EPHX1: variants seen among roughly 807,000 people sequenced by gnomAD.
EPHX1 encodes the protein epoxide hydrolase 1.
Under a neutral mutation model 43.2 loss-of-function variants are expected in EPHX1, and 40 were observed. The ratio of observed to expected loss-of-function variants is 0.93; its 90% CI spans 0.72 to 1.21. EPHX1 has a LOEUF of 1.21. Among genes scored for constraint, EPHX1 ranks in the 50% most tolerant of loss-of-function variants. EPHX1 has a pLI of 0.00. For synonymous variants in EPHX1, 221 were observed against 226.7 expected (o/e 0.98, Z 0.22); for missense variants, 550 against 570.4 (o/e 0.96, Z 0.36).
intron 2 of EPHX1, 54 bp from the exon 3 acceptor site, chr1:225,831,725 T>C: frequency 6.3e-7 from 1 of 1,583,184 alleles, no homozygotes; most frequent in Non-Finnish European, 8.7e-7. Flanking sequence ...GACTTTGCTC[T>C]TGTGCTCTGT....
chr1:225,812,439 G>A (rs1002172476), intron 1 of EPHX1, among the ~76,000 whole-genome samples: 1 of 152,218 alleles, frequency 6.6e-6, no homozygotes, highest in East Asian at 1.9e-4. Context: ...GGCTCTGTGG[G>A]CAGAGGGACC....
intron 1 of EPHX1, among the ~76,000 whole-genome samples, chr1:225,821,336 C>T (rs1012899645): frequency 2.0e-5 from 3 of 151,828 alleles, no homozygotes; most frequent in African/African-American, 4.8e-5. Context: ...CCTCCGCCTA[C>T]CCAGGTTCAA....
At chr1:225,844,739 T>C in intron 8 of EPHX1, 116 bp downstream of exon 8, 1 of 1,494,564 alleles carries the variant, frequency 6.7e-7, no homozygotes, top group Non-Finnish European at 9.0e-7. Flanking sequence ...TGCCTGCAGG[T>C]GCCCCAGGGG....
intron 1 of EPHX1, among the ~76,000 whole-genome samples, chr1:225,827,262 G>A (rs1386616486): frequency 6.6e-6 from 1 of 152,160 alleles, no homozygotes; most frequent in Admixed American, 6.5e-5. Flanking sequence ...AGCGAGGGGC[G>A]CTGCTGGGGC....
At position 225,840,045 on chromosome 1, in the gene EPHX1, T is replaced by C; in HGVS notation, c.931+8T>C. Reference sequence around the variant, plus strand: ...CCAAGCCTGACACCGTAGGTGAGTGTGCTCAGGGGTCCTCGCCCACTGCCG... The same window carrying C: ...CCAAGCCTGACACCGTAGGTGAGTGCGCTCAGGGGTCCTCGCCCACTGCCG... On this transcript the variant is annotated splice_region_variant and intron_variant, in intron 6 of 8. Coordinates refer to ENST00000272167, the MANE Select transcript of EPHX1 (RefSeq NM_001136018.4). The C allele has an allele frequency of 6.2e-7, 1 of 1,613,682 alleles. No individual in the cohort carries two copies. The highest frequency in any genetic ancestry group is 8.5e-7 in the Non-Finnish European group (1 of 1,179,888).
intron 3 of EPHX1, 85 bp downstream of exon 3, chr1:225,832,044 T>G: frequency 1.4e-6 from 2 of 1,473,932 alleles, no homozygotes; most frequent in Non-Finnish European, 1.9e-6. Context: ...TCAGATAAAG[T>G]TGGAGAGATT....
intron 1 of EPHX1, among the ~76,000 whole-genome samples, chr1:225,815,916 T>C (rs1268385595): frequency 6.6e-6 from 1 of 152,078 alleles, no homozygotes; most frequent in East Asian, 1.9e-4. Context: ...TGGTTAATGG[T>C]GGGAAGGAAC....
At position 225,826,239 on chromosome 1, in the gene EPHX1, G is replaced by A. The variant is rs545789470; in HGVS notation, c.-5-2486G>A. On this transcript the variant is annotated intron_variant, in intron 1 of 8. Transcript: ENST00000272167. ...ATCACTTTGGAAAGCCGAGGTGGGC[G>A]GATCGCTGGAGGTCAGGAGTTTGAG... is the stretch of plus-strand genomic sequence containing the variant. 2.6e-5 allele frequency among the ~76,000 whole-genome samples: 4 copies of A among 152,046 alleles called. No homozygotes were observed. In the South Asian group the frequency reaches 6.2e-4, roughly 24 times the overall value.
intron 2 of EPHX1, 145 bp downstream of exon 2, chr1:225,829,057 C>CAA: frequency 9.8e-7 from 1 of 1,024,318 alleles, no homozygotes; most frequent in South Asian, 1.6e-5. Context: ...GTCTGCTTTT[C>CAA]CTCTGCTGGG....
rs757485823 is a variant in EPHX1, at chr1:225,845,376, C to T, written c.*29C>T. The stretch of plus-strand genomic sequence containing the variant: ...ACCCCTCTCCCCCCGCCTGCCACCT[C>T]CCCCCACAAGTGCCCTCCAGGCTTT... On this transcript the variant is annotated 3_prime_UTR_variant, in exon 9 of 9. Transcript: ENST00000272167. 10 of 1,529,512 alleles carry T rather than the reference C, an allele frequency of 6.5e-6. No individual in the cohort carries two copies. In the South Asian group the frequency reaches 1.1e-4, roughly 16 times the overall value. The allele number at this position is 1,529,512 out of a possible 1,614,324, so 94.7% of individuals were successfully genotyped here. A position where few individuals can be genotyped will look rare whatever the true frequency, so the allele number is the denominator to read the frequency against.
intron 7 of EPHX1, among the ~76,000 whole-genome samples, chr1:225,843,857 A>G (rs983615548): frequency 6.6e-6 from 1 of 152,166 alleles, no homozygotes; most frequent in Non-Finnish European, 1.5e-5. Flanking sequence ...ACCAGTTTTC[A>G]TTTTGCCACC....
At position 225,831,873 on chromosome 1, in the gene EPHX1, T is replaced by C. The variant is rs1667623463; in HGVS notation, c.278T>C (p.Val93Ala). 1.2e-6 allele frequency: 2 copies of C among 1,614,200 alleles called. No individual in the cohort carries two copies. Among genetic ancestry groups the C allele is most frequent in the Non-Finnish European group, 1.7e-6 (2 of 1,180,042 alleles). Residue 93 changes from valine (V) to alanine (A), a missense_variant, in exon 3 of 9, where the codon GTC (valine) becomes GCC (alanine). Transcript: ENST00000272167. Reference protein sequence around the residue: ...YGFNSNYLKKVISYWRNEFDW... With the variant: ...YGFNSNYLKKAISYWRNEFDW... Reference sequence around the variant, plus strand: ...TTCAACTCCAACTACCTGAAGAAAGTCATCTCCTACTGGCGGAATGAATTT... The same window carrying C: ...TTCAACTCCAACTACCTGAAGAAAGCCATCTCCTACTGGCGGAATGAATTT...
chr1:225,829,352 A>G (rs1415289879), intron 2 of EPHX1, among the ~76,000 whole-genome samples: 1 of 152,180 alleles, frequency 6.6e-6, no homozygotes, highest in African/African-American at 2.4e-5. Context: ...GTCACATTCA[A>G]TCCCTACGGT....
At chr1:225,844,755 G>A in intron 8 of EPHX1, 132 bp downstream of exon 8, 1 of 1,414,404 alleles carries the variant, frequency 7.1e-7, no homozygotes, top group Non-Finnish European at 9.6e-7. Flanking sequence ...AGGGGCCCTT[G>A]GATGGGAACA....
At chr1:225,838,571 T>C (rs181694412) in intron 3 of EPHX1, 83 bp from the exon 4 acceptor site, 2 of 1,240,550 alleles carry the variant, frequency 1.6e-6, no homozygotes, top group East Asian at 2.3e-5. Flanking sequence ...CAGGACTCAA[T>C]ATCTAGGCTC....
Position 225,816,568 on chromosome 1 carries a change from G to A in EPHX1, c.-6+6399G>A, listed in dbSNP as rs189932260. Among the ~76,000 whole-genome samples the A allele has an allele frequency of 1.8e-3, 272 of 152,304 alleles. 2 individuals carry two copies. Among genetic ancestry groups the A allele is most frequent in the African/African-American group, 6.3e-3 (261 of 41,578 alleles). Reference sequence around the variant, plus strand: ...CCCTGCAGCATGTGGGGCATCTCTCGGTCTTCTTGAGTTCTGTAACTTAAA... The same window carrying A: ...CCCTGCAGCATGTGGGGCATCTCTCAGTCTTCTTGAGTTCTGTAACTTAAA... On this transcript the variant is annotated intron_variant, in intron 1 of 8. Coordinates refer to ENST00000272167, the MANE Select transcript of EPHX1 (RefSeq NM_001136018.4).
intron 3 of EPHX1, among the ~76,000 whole-genome samples, chr1:225,833,860 G>T (rs1576013989): frequency 6.6e-6 from 1 of 150,938 alleles, no homozygotes; most frequent in African/African-American, 2.4e-5. Context: ...CACTTTGGGA[G>T]GTCAAGGCGG....
intron 1 of EPHX1, among the ~76,000 whole-genome samples, chr1:225,827,316 G>T (rs3766934): frequency 0.097 from 14,763 of 152,148 alleles, 857 homozygotes; most frequent in East Asian, 0.22. Context: ...TTTCTCCTCC[G>T]TCTGGGTCCT....
At chr1:225,826,148 G>A (rs919107740) in intron 1 of EPHX1, among the ~76,000 whole-genome samples, 2 of 152,064 alleles carry the variant, frequency 1.3e-5, no homozygotes, top group African/African-American at 4.8e-5. Flanking sequence ...CCCAGGCACT[G>A]TTACTGCTTG....
Sources: allele counts gnomAD v4.1 joint callset (sites outside exome capture counted in the v4.1 genomes callset), GRCh38; gene constraint gnomAD v4.1.1; transcripts MANE v1.5; gene names NCBI Gene and HGNC (gene_info 2026-07-23, HGNC 2026-07-21).